HACD2: variants seen among roughly 807,000 people sequenced by gnomAD.
HACD2 encodes 3-hydroxyacyl-CoA dehydratase 2, also known as very-long-chain (3R)-3-hydroxyacyl-CoA dehydratase 2.
A neutral mutation model predicts 31.0 loss-of-function variants in HACD2; 15 were observed. The observed-to-expected ratio is 0.48, with a 90% CI of 0.32 to 0.75. The LOEUF (loss-of-function observed/expected upper bound fraction) is 0.75. Among genes scored for constraint, HACD2 ranks in the 30% least tolerant of loss-of-function variants. The pLI is 0.03. For missense variants in HACD2, 283 were observed against 313.0 expected, an observed-to-expected ratio of 0.90 and a Z score of 0.72; for synonymous variants, 115 against 122.2, an observed-to-expected ratio of 0.94 and a Z score of 0.39.
At chr3:123,558,609 T>C (rs1380798462) in intron 3 of HACD2, among the ~76,000 whole-genome samples, 1 of 152,024 alleles carries the variant, frequency 6.6e-6, no homozygotes. Flanking sequence ...GGAAAGATGT[T>C]TACAGTGAAT....
At chr3:123,538,191 C>T (rs541036458) in intron 3 of HACD2, among the ~76,000 whole-genome samples, 1 of 152,270 alleles carries the variant, frequency 6.6e-6, no homozygotes, top group African/African-American at 2.4e-5. Context: ...CTTGGGGTTG[C>T]AGCTCCCGAC....
At chr3:123,580,152 G>GT (rs1378500562) in intron 2 of HACD2, among the ~76,000 whole-genome samples, 1 of 149,460 alleles carries the variant, frequency 6.7e-6, no homozygotes, top group Non-Finnish European at 1.5e-5. Flanking sequence ...GGGCAACAGA[G>GT]TAAGGCCCTG....
chr3:123,538,959 G>C (rs2056456831), intron 3 of HACD2, among the ~76,000 whole-genome samples: 2 of 152,200 alleles, frequency 1.3e-5, no homozygotes, highest in South Asian at 4.1e-4. Context: ...CTGATACTAA[G>C]TTGCACTGTG....
intron 1 of HACD2, among the ~76,000 whole-genome samples, chr3:123,583,429 TG>T (rs1559940229): frequency 1.3e-5 from 2 of 152,146 alleles, no homozygotes; most frequent in African/African-American, 4.8e-5. Context: ...GATTCCTGGA[TG>T]TTTTTTTAAA....
At position 123,499,484 on chromosome 3, in the gene HACD2, C is replaced by A. The variant is rs148238560; in HGVS notation, c.682+1031G>T. ...GCAGAACTGTATCCAAGAATTTCTG[C>A]AAGATAAACACTCACATGAAATCTG... is the stretch of plus-strand genomic sequence containing the variant. On this transcript the variant is annotated intron_variant, in intron 6 of 6. Coordinates refer to ENST00000383657, the MANE Select transcript of HACD2 (RefSeq NM_198402.5). 2,285 of 367,294 alleles carry A rather than the reference C, an allele frequency of 6.2e-3. 23 individuals carry two copies. The highest frequency in any genetic ancestry group is 8.4e-3 in the Non-Finnish European group (1,544 of 183,286). The allele number at this position is 367,294 out of a possible 1,614,324, so 22.8% of individuals were successfully genotyped here. A position where few individuals can be genotyped will look rare whatever the true frequency, so the allele number is the denominator to read the frequency against.
chr3:123,524,999 C>T (rs2056262996), intron 4 of HACD2, among the ~76,000 whole-genome samples: 1 of 152,206 alleles, frequency 6.6e-6, no homozygotes, highest in Non-Finnish European at 1.5e-5. Flanking sequence ...ATAAAGCCCT[C>T]TGTAAACTAT....
chr3:123,551,137 G>A (rs549221807), intron 3 of HACD2, among the ~76,000 whole-genome samples: 41 of 152,246 alleles, frequency 2.7e-4, no homozygotes, highest in African/African-American at 8.2e-4. Context: ...GTTCCAGAAA[G>A]CCCTGTGGCC....
intron 3 of HACD2, among the ~76,000 whole-genome samples, chr3:123,542,598 G>A (rs527560556): frequency 5.0e-4 from 76 of 152,350 alleles, no homozygotes; most frequent in African/African-American, 1.7e-3. Context: ...AACGGCATAA[G>A]CCAAAGACTA....
intron 4 of HACD2, among the ~76,000 whole-genome samples, chr3:123,518,654 A>T (rs544699665): frequency 6.6e-6 from 1 of 152,322 alleles, no homozygotes; most frequent in Non-Finnish European, 1.5e-5. Context: ...ACCAATGCAG[A>T]AGGCAAAAGA....
chr3:123,522,186 G>A (rs2056224166), intron 4 of HACD2, among the ~76,000 whole-genome samples: 1 of 152,022 alleles, frequency 6.6e-6, no homozygotes, highest in African/African-American at 2.4e-5. Flanking sequence ...GAGTGTGGTG[G>A]TGTGCACCTG....
chr3:123,548,257 C>T (rs2056582182), intron 3 of HACD2, among the ~76,000 whole-genome samples: 1 of 151,982 alleles, frequency 6.6e-6, no homozygotes, highest in African/African-American at 2.4e-5. Context: ...AAATGCACTG[C>T]AGCTTCCTCC....
intron 3 of HACD2, among the ~76,000 whole-genome samples, chr3:123,566,475 G>T (rs1377042401): frequency 6.6e-6 from 1 of 151,548 alleles, no homozygotes; most frequent in African/African-American, 2.4e-5. Flanking sequence ...GTAGAGATGG[G>T]GTCTCCCTGT....
In HACD2 at chr3:123,494,965, G is replaced by T; in HGVS notation, c.688C>A (p.Pro230Thr). The T allele has an allele frequency of 6.5e-7, 1 of 1,548,798 alleles. No individual in the cohort carries two copies. The highest frequency in any genetic ancestry group is 8.7e-7 in the Non-Finnish European group (1 of 1,143,352). The stretch of plus-strand genomic sequence containing the variant: ...TGTATCATGTGGAAGTATAACTGGG[G>T]AAAAACTGAAAAGAAAAGAAAAATT... ...LIMISYIPIF[P>T]QLYFHMIHQR... Residue 230 changes from proline (P) to threonine (T), a missense_variant, in exon 7 of 7, where the codon CCC becomes ACC. By Grantham distance (38) the Pro-to-Thr change is conservative (BLOSUM62 -1). Coordinates refer to ENST00000383657, the MANE Select transcript of HACD2 (RefSeq NM_198402.5).
At chr3:123,557,507 C>T (rs1214389013) in intron 3 of HACD2, among the ~76,000 whole-genome samples, 1 of 152,082 alleles carries the variant, frequency 6.6e-6, no homozygotes. Context: ...GGCATGGTGG[C>T]TCACACCTGT....
At chr3:123,581,796 T>G (rs1343592657) in intron 2 of HACD2, among the ~76,000 whole-genome samples, 1 of 152,222 alleles carries the variant, frequency 6.6e-6, no homozygotes, top group African/African-American at 2.4e-5. Flanking sequence ...TTGTTAAATT[T>G]TTAAAATTTG....
At chr3:123,548,035 T>C (rs757938423) in intron 3 of HACD2, among the ~76,000 whole-genome samples, 3 of 152,100 alleles carry the variant, frequency 2.0e-5, no homozygotes, top group Non-Finnish European at 4.4e-5. Context: ...TACTAAGCTG[T>C]ACCACCTTCA....
At chr3:123,545,535 A>G (rs1334121542) in intron 3 of HACD2, among the ~76,000 whole-genome samples, 1 of 141,684 alleles carries the variant, frequency 7.1e-6, no homozygotes, top group Admixed American at 7.1e-5. Context: ...ATAGAAATAA[A>G]GTCTTTTTAC....
chr3:123,556,790 G>A (rs2056676973), intron 3 of HACD2, among the ~76,000 whole-genome samples: 1 of 152,072 alleles, frequency 6.6e-6, no homozygotes, highest in Admixed American at 6.6e-5. Context: ...TGAAAAATGA[G>A]CAAAGACCTG....
At chr3:123,584,801 C>T (rs1330480946) in intron 1 of HACD2, 72 bp downstream of exon 1, 47 of 1,248,858 alleles carry the variant, frequency 3.8e-5, no homozygotes, top group Non-Finnish European at 4.9e-5. Context: ...CGATCCTATC[C>T]GCCCCGCCGC....
Sources: gnomAD v4.1 joint callset for allele counts (sites outside exome capture counted in the v4.1 genomes callset) on GRCh38, gnomAD v4.1.1 for gene constraint, MANE v1.5 for transcripts, NCBI Gene and HGNC (gene_info 2026-07-23, HGNC 2026-07-21) for gene names.